The following NTN1 variants were observed in gnomAD, a reference collection of about 807,000 sequenced individuals.
NTN1 encodes the protein netrin-1.
Under a neutral mutation model 54.2 loss-of-function variants are expected in NTN1, and 11 were observed. The ratio of observed to expected loss-of-function variants is 0.20; its 90% CI spans 0.13 to 0.34. The LOEUF (loss-of-function observed/expected upper bound fraction) is 0.34. Among genes scored for constraint, NTN1 ranks in the 10% least tolerant of loss-of-function variants. The pLI, the probability that NTN1 is intolerant of heterozygous loss-of-function variation, is 1.00. For missense variants in NTN1, 740 were observed against 893.1 expected (o/e 0.83, Z 2.18); for synonymous variants, 371 against 382.0 (o/e 0.97, Z 0.33).
intron 5 of NTN1, among the ~76,000 whole-genome samples, chr17:9,193,898 G>T (rs1204601325): frequency 1.7e-5 from 2 of 116,162 alleles, no homozygotes; most frequent in Admixed American, 1.0e-4. Flanking sequence ...TCCAGCCTGG[G>T]CGACAAGAGT....
intron 2 of NTN1, among the ~76,000 whole-genome samples, chr17:9,074,274 C>T (rs951962526): frequency 2.6e-5 from 4 of 152,212 alleles, no homozygotes; most frequent in Admixed American, 2.0e-4. Flanking sequence ...GGATGGGACG[C>T]GGCCAGCCCG....
intron 2 of NTN1, among the ~76,000 whole-genome samples, chr17:9,030,033 C>G (rs948515668): frequency 5.9e-5 from 9 of 152,104 alleles, no homozygotes; most frequent in African/African-American, 1.9e-4. Flanking sequence ...GAATTTCCCC[C>G]CACATCAAAA....
At chr17:9,044,977 A>C (rs1338290620) in intron 2 of NTN1, among the ~76,000 whole-genome samples, 4 of 152,218 alleles carry the variant, frequency 2.6e-5, no homozygotes, top group Non-Finnish European at 5.9e-5. Flanking sequence ...CACTGTCATT[A>C]ACTTGAATGG....
At chr17:9,226,162 C>CGGGGGGGGGGG (rs71135953) in intron 6 of NTN1, among the ~76,000 whole-genome samples, 1 of 116,454 alleles carries the variant, frequency 8.6e-6, no homozygotes, top group Admixed American at 8.5e-5. Context: ...GATTTGGGGT[C>CGGGGGGGGGGG]GGGGGGGGGC....
intron 2 of NTN1, among the ~76,000 whole-genome samples, chr17:9,145,915 TCA>T (rs1491585538): frequency 2.1e-5 from 1 of 46,956 alleles, no homozygotes; most frequent in African/African-American, 1.5e-4. Flanking sequence ...AGACTCCATC[TCA>T]AAAAAAAAAA....
intron 2 of NTN1, among the ~76,000 whole-genome samples, chr17:9,155,278 G>A (rs1305184525): frequency 4.6e-5 from 7 of 152,094 alleles, no homozygotes; most frequent in African/African-American, 1.7e-4. Flanking sequence ...TTTTAAAGGC[G>A]TCAGTTAAAG....
rs1263207718 is a variant in NTN1 at position 9,240,909 on chromosome 17, CAGCCCTTTTTATGACGTTTTCCAGGGGG to C, written c.*944_*971del. On this transcript the variant is annotated 3_prime_UTR_variant, in exon 7 of 7. Transcript: ENST00000173229. ...GAGTTTCCTTTTGGAAACTTGGAACCAGCCCTTTTTATGACGTTTTCCAGGGGGAGGGGGAGGGGCACTGGCTGGGTTT... is the reference window on the plus strand; with the variant it reads ...GAGTTTCCTTTTGGAAACTTGGAACCAGGGGGAGGGGCACTGGCTGGGTTT... The C allele has an allele frequency of 6.6e-6, 1 of 152,318 alleles. No individual in the cohort carries two copies. Among genetic ancestry groups the C allele is most frequent in the Non-Finnish European group, 1.5e-5 (1 of 68,082 alleles). The allele number at this position is 152,318 out of a possible 1,614,324, so 9.4% of individuals were successfully genotyped here.
chr17:9,005,473 C>T, the NTN1 span, among the ~76,000 whole-genome samples: 9 of 152,010 alleles, frequency 5.9e-5, 1 homozygote, highest in African/African-American at 1.2e-4. Flanking sequence ...TCCTCCCCAC[C>T]GCTGCCCCAC....
At chr17:9,163,043 G>A (rs748971464) in intron 3 of NTN1, 42 bp downstream of exon 3, 1 of 1,541,082 alleles carries the variant, frequency 6.5e-7, no homozygotes, top group South Asian at 1.2e-5. Flanking sequence ...GGAGACCCGG[G>A]GAACATCAGT....
At chr17:9,007,254 TTC>T in the NTN1 span, among the ~76,000 whole-genome samples, 6 of 151,128 alleles carry the variant, frequency 4.0e-5, no homozygotes, top group East Asian at 7.7e-4. Context: ...CCTTCCTTCC[TTC>T]TCTTTCTCTC....
chr17:9,037,677 G>A (rs1380626775), intron 2 of NTN1, among the ~76,000 whole-genome samples: 2 of 152,160 alleles, frequency 1.3e-5, no homozygotes, highest in East Asian at 1.9e-4. Flanking sequence ...TCTAGGTAGA[G>A]ACAAATTTTT....
At chr17:9,015,174 G>T in the NTN1 span, among the ~76,000 whole-genome samples, 2 of 152,180 alleles carry the variant, frequency 1.3e-5, no homozygotes, top group African/African-American at 4.8e-5. Context: ...ACTTTGGGAG[G>T]CCGAGGCAGG....
intron 3 of NTN1, among the ~76,000 whole-genome samples, chr17:9,168,174 A>G (rs2092377973): frequency 6.6e-6 from 1 of 152,186 alleles, no homozygotes; most frequent in Non-Finnish European, 1.5e-5. Context: ...ATCATCAATG[A>G]ATTTAAATGT....
chr17:9,104,505 C>T lies in NTN1; in HGVS notation c.1019-58308C>T, dbSNP rs910943409. ...TGTGCTTCGGGGCCTGGGAAGGAGC[C>T]CGGCAGGGGAGCTGTGAGGGCAGAG... On this transcript the variant is annotated intron_variant, in intron 2 of 6. Transcript: ENST00000173229. Among the ~76,000 whole-genome samples, 32 of 152,152 alleles carry T rather than the reference C, an allele frequency of 2.1e-4. 1 individual carries two copies. Among genetic ancestry groups the T allele is most frequent in the Non-Finnish European group, 1.5e-5 (1 of 68,028 alleles).
At chr17:9,045,639 G>GA (rs1470170925) in intron 2 of NTN1, among the ~76,000 whole-genome samples, 3 of 152,046 alleles carry the variant, frequency 2.0e-5, no homozygotes, top group African/African-American at 7.2e-5. Flanking sequence ...TAAGAAGTTA[G>GA]AAAAAAATTA....
chr17:9,076,667 C>T (rs1318762626), intron 2 of NTN1, among the ~76,000 whole-genome samples: 11 of 152,182 alleles, frequency 7.2e-5, no homozygotes, highest in Non-Finnish European at 1.5e-4. Context: ...TGAGCCATTG[C>T]GCCCGGCCTA....
intron 2 of NTN1, among the ~76,000 whole-genome samples, chr17:9,104,924 C>T (rs1391469715): frequency 6.6e-6 from 1 of 152,214 alleles, no homozygotes; most frequent in East Asian, 1.9e-4. Context: ...TTCCTCAACA[C>T]TTACGAGGTG....
chr17:9,023,420 G>A, intron 2 of NTN1, 29 bp downstream of exon 2: 3 of 1,345,850 alleles, frequency 2.2e-6, no homozygotes, highest in Non-Finnish European at 2.8e-6. Flanking sequence ...CGGAGCCGGC[G>A]GCGGGTGGGG....
intron 2 of NTN1, among the ~76,000 whole-genome samples, chr17:9,083,373 G>A (rs953971562): frequency 5.3e-5 from 8 of 152,246 alleles, no homozygotes; most frequent in African/African-American, 1.7e-4. Context: ...TGGGGTTATG[G>A]GCGTGAGCCA....
Sources: allele counts gnomAD v4.1 joint callset (sites outside exome capture counted in the v4.1 genomes callset), GRCh38; gene constraint gnomAD v4.1.1; transcripts MANE v1.5; gene names NCBI Gene and HGNC (gene_info 2026-07-23, HGNC 2026-07-21).